Variants in GALNTL6 observed in about 807,000 individuals in gnomAD.
GALNTL6 encodes polypeptide N-acetylgalactosaminyltransferase-like 6.
In GALNTL6, 46 loss-of-function variants were observed where a neutral mutation model predicts 73.7. The ratio of observed to expected loss-of-function variants is 0.62; its 90% CI spans 0.49 to 0.80. The LOEUF (loss-of-function observed/expected upper bound fraction) is 0.80. Among genes scored for constraint, GALNTL6 ranks in the 30% least tolerant of loss-of-function variants. GALNTL6 has a pLI of 0.00. For synonymous variants in GALNTL6, 259 were observed against 263.7 expected (o/e 0.98, Z 0.17); for missense variants, 604 against 755.0 (o/e 0.80, Z 2.34).
intron 2 of GALNTL6, among the ~76,000 whole-genome samples, chr4:172,226,749 TTTTG>T (rs1736881874): frequency 6.6e-6 from 1 of 152,094 alleles, no homozygotes; most frequent in African/African-American, 2.4e-5. Flanking sequence ...CTGTCTCTAA[TTTTG>T]TTTGTTTTTC....
At chr4:172,105,103 G>T (rs910525922) in intron 2 of GALNTL6, among the ~76,000 whole-genome samples, 4 of 151,796 alleles carry the variant, frequency 2.6e-5, no homozygotes, top group Non-Finnish European at 4.4e-5. Flanking sequence ...AAAAAAAGAA[G>T]AAAAAGAAAC....
intron 2 of GALNTL6, among the ~76,000 whole-genome samples, chr4:171,901,162 A>G (rs1380740744): frequency 6.6e-6 from 1 of 152,204 alleles, no homozygotes; most frequent in Non-Finnish European, 1.5e-5. Context: ...AAATGTTGAT[A>G]CTGCTTAACC....
intron 2 of GALNTL6, among the ~76,000 whole-genome samples, chr4:172,161,294 T>G (rs966983474): frequency 5.3e-5 from 8 of 152,048 alleles, no homozygotes; most frequent in African/African-American, 1.9e-4. Flanking sequence ...TTTATGTATA[T>G]GTGTATATTT....
intron 5 of GALNTL6, among the ~76,000 whole-genome samples, chr4:172,457,150 G>A (rs1357580251): frequency 2.0e-5 from 3 of 151,890 alleles, no homozygotes; most frequent in African/African-American, 4.8e-5. Context: ...GCAAGCAAAT[G>A]CTGAGAGATT....
intron 7 of GALNTL6, among the ~76,000 whole-genome samples, chr4:172,832,093 C>T (rs1742669207): frequency 6.6e-6 from 1 of 152,090 alleles, no homozygotes; most frequent in Non-Finnish European, 1.5e-5. Flanking sequence ...TAAAGCCCTG[C>T]GTGGACACTA....
chr4:171,951,525 TA>T (rs113894216), intron 2 of GALNTL6, among the ~76,000 whole-genome samples: 3,959 of 152,048 alleles, frequency 0.026, 163 homozygotes, highest in African/African-American at 0.089. Flanking sequence ...TTTAAAATAC[TA>T]AAAAATATTA....
chr4:172,332,824 T>C (rs142991466), intron 4 of GALNTL6, among the ~76,000 whole-genome samples: 102 of 152,286 alleles, frequency 6.7e-4, no homozygotes, highest in African/African-American at 2.2e-3. Flanking sequence ...TACCCAGTTG[T>C]GGTATTGTTA....
chr4:171,838,138 T>TTTATTTA (rs1735148502), intron 2 of GALNTL6, among the ~76,000 whole-genome samples: 1 of 121,760 alleles, frequency 8.2e-6, no homozygotes, highest in African/African-American at 3.7e-5. Context: ...TTATTTATTT[T>TTTATTTA]TTGAGACAGA....
intron 2 of GALNTL6, among the ~76,000 whole-genome samples, chr4:171,969,369 C>T (rs572976192): frequency 5.9e-5 from 9 of 152,112 alleles, no homozygotes; most frequent in Non-Finnish European, 8.8e-5. Flanking sequence ...GATTTGATTC[C>T]ACAAGGCCTG....
At chr4:172,962,312 A>T (rs1303689134) in intron 10 of GALNTL6, among the ~76,000 whole-genome samples, 1 of 152,232 alleles carries the variant, frequency 6.6e-6, no homozygotes, top group African/African-American at 2.4e-5. Context: ...GAGGCCTGAC[A>T]TTTACCACAT....
At chr4:173,017,205 A>G (rs61707572) in intron 11 of GALNTL6, among the ~76,000 whole-genome samples, 3,097 of 152,346 alleles carry the variant, frequency 0.02, 110 homozygotes, top group African/African-American at 0.071. Context: ...ATGGACTAAT[A>G]TACATTGTAA....
At chr4:172,479,514 G>C (rs544720470) in intron 5 of GALNTL6, among the ~76,000 whole-genome samples, 220 of 152,240 alleles carry the variant, frequency 1.4e-3, no homozygotes, top group African/African-American at 4.9e-3. Context: ...GGCACACAAA[G>C]GTATACACAG....
intron 2 of GALNTL6, among the ~76,000 whole-genome samples, chr4:171,858,299 G>T (rs920371408): frequency 6.6e-6 from 1 of 152,010 alleles, no homozygotes; most frequent in South Asian, 2.1e-4. Flanking sequence ...CGTGTGTTTT[G>T]TTATCATATA....
At chr4:172,877,906 TA>T (rs1422824638) in intron 7 of GALNTL6, among the ~76,000 whole-genome samples, 2 of 151,966 alleles carry the variant, frequency 1.3e-5, no homozygotes, top group Non-Finnish European at 2.9e-5. Flanking sequence ...AGAGCCACAT[TA>T]AAACACACCT....
intron 2 of GALNTL6, among the ~76,000 whole-genome samples, chr4:172,008,068 T>C (rs993497823): frequency 1.3e-5 from 2 of 152,146 alleles, no homozygotes; most frequent in Non-Finnish European, 2.9e-5. Flanking sequence ...TTGTGACTAA[T>C]TGTCAGCTGT....
intron 7 of GALNTL6, among the ~76,000 whole-genome samples, chr4:172,878,204 C>A (rs1745286108): frequency 6.6e-6 from 1 of 151,888 alleles, no homozygotes; most frequent in South Asian, 2.1e-4. Context: ...CAACACTGCA[C>A]AATAGTTAAC....
intron 2 of GALNTL6, among the ~76,000 whole-genome samples, chr4:171,921,171 A>T (rs1450653213): frequency 6.6e-6 from 1 of 152,106 alleles, no homozygotes; most frequent in East Asian, 1.9e-4. Context: ...TTTGTAATTA[A>T]TAAATTATGT....
intron 2 of GALNTL6, among the ~76,000 whole-genome samples, chr4:172,083,739 T>G (rs908311025): frequency 6.6e-6 from 1 of 152,212 alleles, no homozygotes; most frequent in African/African-American, 2.4e-5. Context: ...AGAGATTTTG[T>G]CTATTCGCTT....
chr4:172,303,751 T>C (rs569639094), intron 3 of GALNTL6, among the ~76,000 whole-genome samples: 7 of 152,294 alleles, frequency 4.6e-5, no homozygotes, highest in African/African-American at 1.7e-4. Context: ...TTAATCCTTA[T>C]GTACATTAGA....
Sources: gnomAD v4.1 joint callset for allele counts (sites outside exome capture counted in the v4.1 genomes callset) on GRCh38, gnomAD v4.1.1 for gene constraint, MANE v1.5 for transcripts, NCBI Gene and HGNC (gene_info 2026-07-23, HGNC 2026-07-21) for gene names.